The following NCALD variants were observed in gnomAD, a reference collection of about 807,000 sequenced individuals.
NCALD encodes neurocalcin delta, also known as neurocalcin-delta.
A neutral mutation model predicts 18.6 loss-of-function variants in NCALD; 10 were observed. The ratio of observed to expected loss-of-function variants is 0.54; its 90% confidence interval spans 0.33 to 0.91. NCALD has a LOEUF of 0.91. Among genes scored for constraint, NCALD ranks in the 40% least tolerant of loss-of-function variants. The pLI, the probability that NCALD is intolerant of heterozygous loss-of-function variation, is 0.03. For missense variants in NCALD, 184 were observed against 247.6 expected (o/e 0.74, Z 1.72); for synonymous variants, 88 against 87.4 (o/e 1.01, Z -0.04).
At chr8:101,972,279 C>A (rs752066176) in intron 2 of NCALD, among the ~76,000 whole-genome samples, 3 of 152,188 alleles carry the variant, frequency 2.0e-5, no homozygotes, top group Non-Finnish European at 2.9e-5. Context: ...GCTTTGTGGT[C>A]AGGCACAGTT....
intron 2 of NCALD, among the ~76,000 whole-genome samples, chr8:101,927,051 C>T (rs920921549): frequency 6.6e-6 from 1 of 152,164 alleles, no homozygotes; most frequent in Admixed American, 6.5e-5. Flanking sequence ...TCCTCCTTCA[C>T]TCTGAGTATT....
chr8:102,115,833 T>C (rs117003167), intron 1 of NCALD, among the ~76,000 whole-genome samples: 63 of 152,298 alleles, frequency 4.1e-4, no homozygotes, highest in Non-Finnish European at 7.5e-4. Flanking sequence ...GTGAGAAGCC[T>C]GAACAGGACC....
intron 2 of NCALD, among the ~76,000 whole-genome samples, chr8:101,696,561 G>A (rs1433229895): frequency 6.6e-6 from 1 of 152,208 alleles, no homozygotes; most frequent in Non-Finnish European, 1.5e-5. Context: ...GGGGCGTTCA[G>A]TACACAATGT....
Position 101,769,402 on chromosome 8 carries a change from A to G in NCALD, c.-20+21460T>C, listed in dbSNP as rs148883591. ...CTAATTGCTCTAGTTCTCCCTCTTC[A>G]TAAAGAAAATGAATTATAATATACT... On this transcript the variant is annotated intron_variant, in intron 1 of 3. Coordinates refer to ENST00000220931, the MANE Select transcript of NCALD (RefSeq NM_032041.3). Among the ~76,000 whole-genome samples the G allele has an allele frequency of 4.5e-4, 69 of 152,258 alleles. 3 individuals carry two copies. In the East Asian group the frequency reaches 0.013, roughly 29 times the overall value.
At chr8:102,097,154 C>T (rs1825129359) in intron 1 of NCALD, among the ~76,000 whole-genome samples, 1 of 152,148 alleles carries the variant, frequency 6.6e-6, no homozygotes, top group South Asian at 2.1e-4. Flanking sequence ...AGCTTACCTA[C>T]ATTTCATAGT....
At position 102,060,185 on chromosome 8, in the gene NCALD, G is replaced by A. The variant is rs530240535; in HGVS notation, c.-209-39896C>T. ...TTCGGTACAGACAGGGTTTCACTGTGTTAGCCAGGATGGTCTTGATCTCCT... is the reference window on the plus strand; with the variant it reads ...TTCGGTACAGACAGGGTTTCACTGTATTAGCCAGGATGGTCTTGATCTCCT... On this transcript the variant is annotated intron_variant, in intron 1 of 6. Transcript: ENST00000311028. Among the ~76,000 whole-genome samples, 8 of 151,744 alleles carry A rather than the reference G, an allele frequency of 5.3e-5. No homozygotes were observed. In the South Asian group the frequency reaches 1.5e-3, roughly 28 times the overall value.
At chr8:102,090,593 C>A (rs1378641290) in intron 1 of NCALD, among the ~76,000 whole-genome samples, 1 of 151,954 alleles carries the variant, frequency 6.6e-6, no homozygotes, top group Non-Finnish European at 1.5e-5. Flanking sequence ...CTTTTTTTTA[C>A]TTTTTTGCTT....
chr8:101,879,367 G>A (rs534770295), intron 4 of NCALD, among the ~76,000 whole-genome samples: 22 of 152,212 alleles, frequency 1.4e-4, no homozygotes, highest in Admixed American at 4.6e-4. Flanking sequence ...GCAGACCTTC[G>A]CGGGGAGTAT....
At chr8:101,735,661 C>T (rs1809872628) in intron 1 of NCALD, among the ~76,000 whole-genome samples, 1 of 152,020 alleles carries the variant, frequency 6.6e-6, no homozygotes, top group African/African-American at 2.4e-5. Flanking sequence ...GAACATCCCG[C>T]ATTTTTATTT....
At chr8:101,755,828 T>C (rs576195889) in intron 1 of NCALD, among the ~76,000 whole-genome samples, 266 of 152,330 alleles carry the variant, frequency 1.7e-3, no homozygotes, top group Non-Finnish European at 2.9e-3. Context: ...TGTGTGAATA[T>C]GTATGCATTG....
chr8:101,734,027 G>A (rs957622592), intron 1 of NCALD, among the ~76,000 whole-genome samples: 16 of 152,172 alleles, frequency 1.1e-4, no homozygotes, highest in East Asian at 3.9e-4. Flanking sequence ...CACAGCAACC[G>A]TGTGATGCTT....
intron 1 of NCALD, among the ~76,000 whole-genome samples, chr8:102,050,408 G>A (rs1197811072): frequency 1.3e-5 from 2 of 150,844 alleles, no homozygotes; most frequent in Non-Finnish European, 3.0e-5. Context: ...TTATGTAATT[G>A]ATACTGCAAG....
At chr8:101,985,234 C>A (rs144936672) in intron 2 of NCALD, among the ~76,000 whole-genome samples, 1 of 152,142 alleles carries the variant, frequency 6.6e-6, no homozygotes, top group South Asian at 2.1e-4. Context: ...CCACCCCCAG[C>A]CCAAGCTCCC....
At chr8:102,108,636 A>G (rs1238428840) in intron 1 of NCALD, among the ~76,000 whole-genome samples, 2 of 152,176 alleles carry the variant, frequency 1.3e-5, no homozygotes, top group Admixed American at 6.5e-5. Flanking sequence ...ACAATACTAA[A>G]GTAATTAGTA....
At chr8:101,972,084 G>A (rs6982566) in intron 2 of NCALD, among the ~76,000 whole-genome samples, 70,540 of 152,002 alleles carry the variant, frequency 0.46, 16,527 homozygotes, top group South Asian at 0.57. Context: ...AGGTATGTGA[G>A]GAGGAGGAGG....
intron 4 of NCALD, among the ~76,000 whole-genome samples, chr8:101,831,571 G>A (rs1334559351): frequency 6.6e-6 from 1 of 152,126 alleles, no homozygotes; most frequent in Non-Finnish European, 1.5e-5. Context: ...GAAAAACTGG[G>A]ATCATGAGAC....
At chr8:101,698,959 A>G (rs1215109916) in intron 2 of NCALD, among the ~76,000 whole-genome samples, 2 of 152,220 alleles carry the variant, frequency 1.3e-5, no homozygotes, top group Admixed American at 6.5e-5. Flanking sequence ...CTGCACAGCA[A>G]AAGAAACTAT....
At chr8:101,718,679 A>G (rs748416703) in intron 2 of NCALD, among the ~76,000 whole-genome samples, 3 of 152,220 alleles carry the variant, frequency 2.0e-5, no homozygotes, top group African/African-American at 4.8e-5. Context: ...GGCTCCCCCA[A>G]TCATCTGAAT....
intron 1 of NCALD, among the ~76,000 whole-genome samples, chr8:102,109,497 C>T (rs946103448): frequency 1.3e-5 from 2 of 151,974 alleles, no homozygotes; most frequent in African/African-American, 4.8e-5. Context: ...AGTAGCAAAC[C>T]CTGTCAAAGT....
Sources: allele counts gnomAD v4.1 joint callset (sites outside exome capture counted in the v4.1 genomes callset), GRCh38; gene constraint gnomAD v4.1.1; transcripts MANE v1.5; gene names NCBI Gene and HGNC (gene_info 2026-07-23, HGNC 2026-07-21).